DPYD: variants seen among roughly 807,000 people sequenced by gnomAD.
DPYD encodes the protein dihydropyrimidine dehydrogenase [NADP(+)].
DPYD carries 109 observed loss-of-function variants against 116.2 expected under a neutral mutation model. The observed-to-expected ratio is 0.94, with a 90% CI of 0.80 to 1.10. DPYD has a LOEUF of 1.10. Among genes scored for constraint, DPYD ranks in the 50% least tolerant of loss-of-function variants. The probability of loss-of-function intolerance (pLI) is 0.00; values close to 1 mark genes in which losing one functional copy is unlikely to be tolerated. For synonymous variants in DPYD, 440 were observed against 432.0 expected, an observed-to-expected ratio of 1.02 and a Z score of -0.23; for missense variants, 1,302 against 1,254.5, an observed-to-expected ratio of 1.04 and a Z score of -0.57.
At chr1:97,548,630 AG>A (rs1278792533) in intron 12 of DPYD, among the ~76,000 whole-genome samples, 1 of 152,070 alleles carries the variant, frequency 6.6e-6, no homozygotes, top group Admixed American at 6.6e-5. Context: ...CCAGCTACTC[AG>A]GGGCTGAGGC....
chr1:97,560,921 G>A (rs926038722), intron 11 of DPYD, among the ~76,000 whole-genome samples: 4 of 152,250 alleles, frequency 2.6e-5, no homozygotes, highest in Admixed American at 2.0e-4. Flanking sequence ...CCAAGAAGCG[G>A]GAACAGTGGC....
chr1:97,895,513 G>A (rs1245733948), intron 1 of DPYD, among the ~76,000 whole-genome samples: 1 of 151,662 alleles, frequency 6.6e-6, no homozygotes, highest in African/African-American at 2.4e-5. Context: ...CATCTATATG[G>A]TTAACAGCTA....
intron 20 of DPYD, among the ~76,000 whole-genome samples, chr1:97,125,020 A>T (rs1652726436): frequency 6.6e-6 from 1 of 151,900 alleles, no homozygotes; most frequent in South Asian, 2.1e-4. Flanking sequence ...CAACTTCAAA[A>T]CTCTTTTTTT....
At chr1:97,877,258 G>A (rs1186442480) in intron 2 of DPYD, among the ~76,000 whole-genome samples, 1 of 151,954 alleles carries the variant, frequency 6.6e-6, no homozygotes, top group Non-Finnish European at 1.5e-5. Context: ...TCCCCATGAT[G>A]GTGACCAGTG....
At chr1:97,545,907 C>G in intron 12 of DPYD, 1 of 1,079,218 alleles carries the variant, frequency 9.3e-7, no homozygotes, top group South Asian at 1.2e-5. Context: ...TTTAAACTAT[C>G]CAGGATTTGG....
intron 19 of DPYD, among the ~76,000 whole-genome samples, chr1:97,216,962 C>A (rs1660445317): frequency 6.6e-6 from 1 of 152,054 alleles, no homozygotes; most frequent in Non-Finnish European, 1.5e-5. Context: ...AATCCCAGCA[C>A]TTTGGGAGGC....
chr1:97,674,724 T>C (rs1234281272), intron 8 of DPYD, among the ~76,000 whole-genome samples: 1 of 152,060 alleles, frequency 6.6e-6, no homozygotes, highest in Non-Finnish European at 1.5e-5. Flanking sequence ...ACTCCTGAAA[T>C]TGTGCAATAT....
chr1:97,863,578 C>A (rs1671228556), intron 2 of DPYD, among the ~76,000 whole-genome samples: 1 of 151,744 alleles, frequency 6.6e-6, no homozygotes, highest in Non-Finnish European at 1.5e-5. Context: ...ATTATGCATT[C>A]ATTAAAATTA....
intron 16 of DPYD, among the ~76,000 whole-genome samples, chr1:97,359,267 T>G (rs1440845363): frequency 1.3e-5 from 2 of 151,848 alleles, no homozygotes; most frequent in Admixed American, 6.6e-5. Flanking sequence ...GAAAAAAAAG[T>G]GAAAATAAAC....
intron 19 of DPYD, among the ~76,000 whole-genome samples, chr1:97,209,539 C>T (rs1187573012): frequency 1.3e-5 from 2 of 152,134 alleles, no homozygotes; most frequent in Non-Finnish European, 2.9e-5. Flanking sequence ...TACAAATTCA[C>T]CAGTGATTAA....
At chr1:97,125,612 AC>A (rs1216196353) in intron 20 of DPYD, among the ~76,000 whole-genome samples, 1 of 152,030 alleles carries the variant, frequency 6.6e-6, no homozygotes, top group Non-Finnish European at 1.5e-5. Context: ...ATATATTGAA[AC>A]CCCAACCTCC....
At chr1:97,824,359 G>C (rs1341570596) in intron 3 of DPYD, among the ~76,000 whole-genome samples, 10 of 152,162 alleles carry the variant, frequency 6.6e-5, no homozygotes, top group Admixed American at 5.9e-4. Flanking sequence ...CCATTGTTGA[G>C]AACTCTGTTA....
chr1:97,254,091 C>T (rs954896613), intron 18 of DPYD, among the ~76,000 whole-genome samples: 22 of 152,064 alleles, frequency 1.4e-4, no homozygotes, highest in African/African-American at 5.1e-4. Context: ...CAGGAGCTAT[C>T]ACTTTTTATG....
At chr1:97,540,338 T>TG (rs1650337670) in intron 12 of DPYD, among the ~76,000 whole-genome samples, 3 of 4,656 alleles carry the variant, frequency 6.4e-4, no homozygotes, top group Non-Finnish European at 1.3e-3. Context: ...GGGTGGGGGG[T>TG]GGGGGTGGCG....
At chr1:97,728,845 C>G (rs1200101538) in intron 4 of DPYD, among the ~76,000 whole-genome samples, 1 of 152,014 alleles carries the variant, frequency 6.6e-6, no homozygotes. Flanking sequence ...GTCACCATCC[C>G]TCAATGAACA....
intron 14 of DPYD, among the ~76,000 whole-genome samples, chr1:97,429,645 T>C (rs775611096): frequency 7.2e-5 from 11 of 152,088 alleles, no homozygotes; most frequent in Non-Finnish European, 1.3e-4. Context: ...TAATGATACC[T>C]CCTGTCTAAA....
chr1:97,441,763 T>A (rs373303029), intron 14 of DPYD, among the ~76,000 whole-genome samples: 2 of 152,188 alleles, frequency 1.3e-5, no homozygotes, highest in South Asian at 2.1e-4. Flanking sequence ...GAATCCTACC[T>A]TTTTTGGTGC....
intron 3 of DPYD, among the ~76,000 whole-genome samples, chr1:97,819,323 A>G (rs1668797035): frequency 6.6e-6 from 1 of 151,938 alleles, no homozygotes; most frequent in African/African-American, 2.4e-5. Flanking sequence ...AATTTTAGAA[A>G]TGATTAAAAT....
intron 20 of DPYD, among the ~76,000 whole-genome samples, chr1:97,101,076 G>A (rs1042526973): frequency 6.6e-6 from 1 of 150,868 alleles, no homozygotes; most frequent in Admixed American, 6.6e-5. Flanking sequence ...AGGAAAACTT[G>A]CCAATTTTTT....
Sources: allele counts gnomAD v4.1 joint callset (sites outside exome capture counted in the v4.1 genomes callset), GRCh38; gene constraint gnomAD v4.1.1; transcripts MANE v1.5; gene names NCBI Gene and HGNC (gene_info 2026-07-23, HGNC 2026-07-21).